The following SH2D3C variants were observed in gnomAD, a reference collection of about 807,000 sequenced individuals.
SH2D3C encodes SH2 domain-containing protein 3C.
Under a neutral mutation model 75.2 loss-of-function variants are expected in SH2D3C, and 25 were observed. The ratio of observed to expected loss-of-function variants is 0.33; its 90% CI spans 0.24 to 0.46. The LOEUF (loss-of-function observed/expected upper bound fraction) is 0.46, where lower values mean the gene tolerates loss of function less well. Ranked by LOEUF, SH2D3C falls within the 20% of genes least tolerant of loss-of-function variation. SH2D3C has a pLI of 1.00. For missense variants in SH2D3C, 933 were observed against 1,165.3 expected (o/e 0.80, Z 2.90); for synonymous variants, 450 against 473.7 (o/e 0.95, Z 0.65).
chr9:127,770,272 C>T (rs992589216), intron 2 of SH2D3C, among the ~76,000 whole-genome samples: 8 of 152,148 alleles, frequency 5.3e-5, no homozygotes, highest in Admixed American at 3.9e-4. Flanking sequence ...CCTCCTGCTC[C>T]AGGTGCACCC....
chr9:127,759,372 C>A (rs1490711836), intron 3 of SH2D3C, among the ~76,000 whole-genome samples: 1 of 152,150 alleles, frequency 6.6e-6, no homozygotes, highest in Non-Finnish European at 1.5e-5. Flanking sequence ...TGTGCCACCA[C>A]GCCTGGCTAA....
Position 127,744,879 on chromosome 9 carries a change from G to A in SH2D3C, c.1485C>T (p.Tyr495=). Residue 495 remains tyrosine, a synonymous_variant, in exon 7 of 12, where the codon TAC becomes TAT. Coordinates refer to ENST00000314830, the MANE Select transcript of SH2D3C (RefSeq NM_170600.3). ...CACGCACGGGAGGCTGGAGCTGGCA[G>A]TAGTGGCCAGAGTCCGGGTCACTGT... ...SSYSDPDSGH[Y]CQLQPPVRGS... 6.2e-7 allele frequency: 1 copy of A among 1,613,812 alleles called. No homozygotes were observed. Among genetic ancestry groups the A allele is most frequent in the Non-Finnish European group, 8.5e-7 (1 of 1,179,834 alleles).
intron 3 of SH2D3C, among the ~76,000 whole-genome samples, chr9:127,756,120 T>G (rs1845372892): frequency 6.6e-6 from 1 of 152,110 alleles, no homozygotes; most frequent in Admixed American, 6.5e-5. Flanking sequence ...GCCAACATGG[T>G]GAAACCCTGT....
rs1259170181 is a variant in SH2D3C, at chr9:127,739,962, G to C, written c.2201-74C>G. On this transcript the variant is annotated intron_variant, in intron 10 of 11. Coordinates refer to ENST00000314830, the MANE Select transcript of SH2D3C (RefSeq NM_170600.3). The surrounding 1 kb of genome is among the most constrained non-coding windows in gnomAD (Gnocchi z 4.3). ...CATCCACTGCAGTCCTGGAAGCTGA[G>C]GTGCAGGAGGGAACGGGCCTGGCTG... 2.2e-6 allele frequency: 3 copies of C among 1,357,326 alleles called. No homozygotes were observed. Among genetic ancestry groups the C allele is most frequent in the African/African-American group, 1.5e-5 (1 of 68,164 alleles). The allele number at this position is 1,357,326 out of a possible 1,614,324, so 84.1% of individuals were successfully genotyped here.
chr9:127,766,858 T>C, intron 2 of SH2D3C: 2 of 1,411,774 alleles, frequency 1.4e-6, no homozygotes, highest in Non-Finnish European at 1.9e-6. Flanking sequence ...GCGTGAGCCC[T>C]GTGCCCAGCT....
Position 127,741,937 on chromosome 9 carries a change from G to C in SH2D3C, c.1939C>G (p.Leu647Val). ...LERFHTMSIM[L>V]AVDILGCTGS... Reference sequence around the variant, plus strand: ...GTGCAGCCCAGGATGTCCACGGCCAGCATGATGGACATGGTGTGGAACCTG... The same window carrying C: ...GTGCAGCCCAGGATGTCCACGGCCACCATGATGGACATGGTGTGGAACCTG... Residue 647 changes from leucine (L) to valine (V), a missense_variant, in exon 9 of 12, where the codon CTG (leucine) becomes GTG (valine). Coordinates refer to ENST00000314830, the MANE Select transcript of SH2D3C (RefSeq NM_170600.3). 5.0e-6 allele frequency: 8 copies of C among 1,612,564 alleles called. No individual in the cohort carries two copies. Among genetic ancestry groups the C allele is most frequent in the Non-Finnish European group, 6.8e-6 (8 of 1,179,858 alleles).
intron 2 of SH2D3C, among the ~76,000 whole-genome samples, chr9:127,773,647 G>A (rs758180356): frequency 9.9e-5 from 15 of 152,020 alleles, no homozygotes; most frequent in Non-Finnish European, 1.9e-4. Context: ...ATGTGTACTG[G>A]GTTAAAAAGA....
intron 3 of SH2D3C, among the ~76,000 whole-genome samples, chr9:127,755,829 C>T (rs1588509439): frequency 6.6e-6 from 1 of 152,202 alleles, no homozygotes; most frequent in Admixed American, 6.5e-5. Context: ...CCCACCAGCT[C>T]TTTCCCTGGG....
chr9:127,744,834 C>T lies in SH2D3C; in HGVS notation c.1530G>A (p.Ala510=), dbSNP rs1423239994. 1.2e-5 allele frequency: 19 copies of T among 1,614,056 alleles called. No individual in the cohort carries two copies. Among genetic ancestry groups the T allele is most frequent in the Non-Finnish European group, 1.4e-5 (17 of 1,180,036 alleles). ...PPVRGSREWA[A]TETSSQQARS... ...TGGCCTGCTGGCTGGAGGTCTCAGTCGCTGCCCACTCTCGGCTGCCACGCA... is the reference window on the plus strand; with the variant it reads ...TGGCCTGCTGGCTGGAGGTCTCAGTTGCTGCCCACTCTCGGCTGCCACGCA... Residue 510 remains alanine, a synonymous_variant, in exon 7 of 12, where the codon GCG becomes GCA. Coordinates refer to ENST00000314830, the MANE Select transcript of SH2D3C (RefSeq NM_170600.3).
intron 4 of SH2D3C, among the ~76,000 whole-genome samples, chr9:127,750,808 T>C (rs1020848064): frequency 6.6e-6 from 1 of 152,212 alleles, no homozygotes; most frequent in African/African-American, 2.4e-5. Context: ...GCCCAAAGAT[T>C]GGTACTCACT....
chr9:127,745,947 A>G (rs987502518), intron 6 of SH2D3C, among the ~76,000 whole-genome samples: 1 of 152,174 alleles, frequency 6.6e-6, no homozygotes, highest in African/African-American at 2.4e-5. Flanking sequence ...ACCTCAGTCT[A>G]TTTAATCCTT....
At chr9:127,745,874 C>A in intron 6 of SH2D3C, among the ~76,000 whole-genome samples, 1 of 152,142 alleles carries the variant, frequency 6.6e-6, no homozygotes, top group Non-Finnish European at 1.5e-5. Flanking sequence ...GACAGTAAAA[C>A]CATCATCAAA....
intron 2 of SH2D3C, among the ~76,000 whole-genome samples, chr9:127,762,609 G>A (rs905275676): frequency 9.2e-5 from 14 of 152,188 alleles, no homozygotes; most frequent in Admixed American, 3.9e-4. Flanking sequence ...CCGCTCCGCC[G>A]TCAGAATCCT....
intron 9 of SH2D3C, 92 bp downstream of exon 9, chr9:127,741,696 C>T: frequency 6.9e-7 from 1 of 1,443,548 alleles, no homozygotes; most frequent in Non-Finnish European, 9.3e-7. Flanking sequence ...AATTCCAAAG[C>T]TCCTCCTGAT....
intron 1 of SH2D3C, among the ~76,000 whole-genome samples, chr9:127,777,199 C>G (rs531008329): frequency 6.6e-6 from 1 of 152,184 alleles, no homozygotes; most frequent in African/African-American, 2.4e-5. Context: ...ACATGTCCCC[C>G]ACCCTGGTGG....
Position 127,740,307 on chromosome 9 carries a change from C to G in SH2D3C, c.2151G>C (p.Leu717=). The G allele has an allele frequency of 6.2e-7, 1 of 1,614,162 alleles. No individual in the cohort carries two copies. The highest frequency in any genetic ancestry group is 8.5e-7 in the Non-Finnish European group (1 of 1,180,024). Residue 717 remains leucine, a synonymous_variant, in exon 10 of 12, where the codon CTG becomes CTC. Coordinates refer to ENST00000314830, the MANE Select transcript of SH2D3C (RefSeq NM_170600.3). ...GAAAAGGCTTGAGCTTCTTCTCGTA[C>G]AGGATGGCACCCTCTGTGTGTCGCT... ...LRQRHTEGAI[L]YEKKLKPFLK... is the part of the protein sequence containing the mutation.
intron 2 of SH2D3C, among the ~76,000 whole-genome samples, chr9:127,766,094 C>T (rs746262699): frequency 6.6e-6 from 1 of 152,246 alleles, no homozygotes; most frequent in Non-Finnish European, 1.5e-5. Context: ...GGGCCTTCAT[C>T]CTGGGCCAGA....
rs548519933 is a variant in SH2D3C, at chr9:127,769,993, G to A, written c.515+3997C>T. On this transcript the variant is annotated intron_variant, in intron 2 of 11. Transcript: ENST00000314830. The stretch of plus-strand genomic sequence containing the variant: ...TCGCCTGACAATTCCAGTGTGGGTA[G>A]GCGTGGGGTAGGGAGTGCTGGGGCT... Among the ~76,000 whole-genome samples, 66 of 152,312 alleles carry A rather than the reference G, an allele frequency of 4.3e-4. No individual in the cohort carries two copies. The South Asian group carries it at 0.011, about 24-fold the overall frequency.
intron 3 of SH2D3C, among the ~76,000 whole-genome samples, chr9:127,756,170 C>T (rs1240335294): frequency 6.6e-6 from 1 of 152,094 alleles, no homozygotes; most frequent in Non-Finnish European, 1.5e-5. Context: ...GGTGTGGTGG[C>T]GCATGCCTGC....
Sources: allele counts gnomAD v4.1 joint callset (sites outside exome capture counted in the v4.1 genomes callset), GRCh38; gene constraint gnomAD v4.1.1; non-coding constraint Gnocchi (gnomAD v3.1); transcripts MANE v1.5; gene names NCBI Gene and HGNC (gene_info 2026-07-23, HGNC 2026-07-21).